PEX14: variants seen among roughly 807,000 people sequenced by gnomAD.
PEX14 encodes the protein peroxisomal membrane protein PEX14.
A neutral mutation model predicts 49.5 loss-of-function variants in PEX14; 15 were observed. The observed-to-expected ratio is 0.30, with a 90% CI of 0.20 to 0.47. The LOEUF is 0.47. Ranked by LOEUF, PEX14 falls within the 20% of genes least tolerant of loss-of-function variation. The probability of loss-of-function intolerance (pLI) is 1.00; values close to 1 mark genes in which losing one functional copy is unlikely to be tolerated. For missense variants in PEX14, 398 were observed against 494.8 expected (o/e 0.80, Z 1.86); for synonymous variants, 210 against 212.7 (o/e 0.99, Z 0.11).
chr1:10,621,631 C>T (rs908173917), intron 5 of PEX14, among the ~76,000 whole-genome samples: 5 of 152,182 alleles, frequency 3.3e-5, no homozygotes, highest in African/African-American at 7.2e-5. Context: ...AAGCGTGAGC[C>T]ACCGCGCCCG....
intron 2 of PEX14, among the ~76,000 whole-genome samples, chr1:10,508,696 G>C (rs1641832326): frequency 6.6e-6 from 1 of 152,206 alleles, no homozygotes; most frequent in Admixed American, 6.5e-5. Context: ...GAACCAGATG[G>C]TTGCAGTCCA....
chr1:10,629,700 C>T lies in PEX14; in HGVS notation c.847C>T (p.Pro283Ser), dbSNP rs1374219267. The T allele has an allele frequency of 9.9e-6, 16 of 1,611,518 alleles. No individual in the cohort carries two copies. The highest frequency in any genetic ancestry group is 1.3e-5 in the African/African-American group (1 of 74,800). ...SSSPGKEGHS[P>S]EGSTVTYHLL... is the part of the protein sequence containing the mutation. ...CTCGCCTGGGAAGGAGGGCCACAGCCCCGAGGGCTCCACGGTCACCTACCA... is the reference window on the plus strand; with the variant it reads ...CTCGCCTGGGAAGGAGGGCCACAGCTCCGAGGGCTCCACGGTCACCTACCA... The change falls in exon 9 of 9, where the codon CCC becomes TCC. Residue 283 changes from proline to serine, a missense_variant. Around this residue, in one of 3 missense-constraint regions of PEX14, gnomAD observed 140 missense variants for 155.5 expected, o/e 0.90. Coordinates refer to ENST00000356607, the MANE Select transcript of PEX14 (RefSeq NM_004565.3). This position sits in a 1 kb window ranked among gnomAD's most constrained non-coding sequence, Gnocchi z 8.5.
In PEX14 at chr1:10,526,293, G is replaced by A. The variant is rs187380828; in HGVS notation, c.85-9920G>A. Among the ~76,000 whole-genome samples the A allele has an allele frequency of 1.1e-3, 167 of 149,200 alleles. 2 individuals carry two copies. Among genetic ancestry groups the A allele is most frequent in the African/African-American group, 3.8e-3 (153 of 40,534 alleles). On this transcript the variant is annotated intron_variant, in intron 2 of 8. Transcript: ENST00000356607. ...CTGGAGTGCAGTGGCGTGATAGCTC[G>A]CTGCAGCCTCCACCTCCTGGGTTCA...
chr1:10,554,113 C>G (rs1474442927), intron 3 of PEX14, among the ~76,000 whole-genome samples: 1 of 138,344 alleles, frequency 7.2e-6, no homozygotes, highest in African/African-American at 2.7e-5. Context: ...CATGGTGAAA[C>G]CCCGTCTCTA....
chr1:10,600,978 C>T (rs1305364098), intron 4 of PEX14, among the ~76,000 whole-genome samples: 3 of 142,852 alleles, frequency 2.1e-5, no homozygotes, highest in Non-Finnish European at 3.1e-5. Flanking sequence ...AAAAAACAGA[C>T]AGGCCGGGCG....
chr1:10,611,567 A>G (rs770593120), intron 4 of PEX14, among the ~76,000 whole-genome samples: 9 of 152,214 alleles, frequency 5.9e-5, no homozygotes, highest in South Asian at 2.1e-4. Flanking sequence ...CTGTCAAACT[A>G]TTTCCCAAAA....
chr1:10,524,653 G>A lies in PEX14; in HGVS notation c.85-11560G>A, dbSNP rs116518207. The stretch of plus-strand genomic sequence containing the variant: ...GACTCTTGGCCAAGATGGCTCTGGT[G>A]CTCAGTAGGCCTTTGTGGAATCATT... On this transcript the variant is annotated intron_variant, in intron 2 of 8. Transcript: ENST00000356607. Among the ~76,000 whole-genome samples, 711 of 152,160 alleles carry A rather than the reference G, an allele frequency of 4.7e-3. 1 individual carries two copies. The highest frequency in any genetic ancestry group is 0.016 in the African/African-American group (666 of 41,468).
At chr1:10,552,983 C>G (rs1639378789) in intron 3 of PEX14, among the ~76,000 whole-genome samples, 1 of 152,046 alleles carries the variant, frequency 6.6e-6, no homozygotes, top group Non-Finnish European at 1.5e-5. Flanking sequence ...GAAAGGTGGG[C>G]AAAGGTGGGA....
chr1:10,630,017 A>T lies in PEX14; in HGVS notation c.*30A>T. On this transcript the variant is annotated 3_prime_UTR_variant, in exon 9 of 9. Coordinates refer to ENST00000356607, the MANE Select transcript of PEX14 (RefSeq NM_004565.3). The surrounding 1 kb of genome is among the most constrained non-coding windows in gnomAD (Gnocchi z 4.1). The stretch of plus-strand genomic sequence containing the variant: ...GCGCCTGCTGCCTCCAGCCCTGAGG[A>T]TGGCATCTAGTGTGCCCGTGCGTGG... 1.2e-6 allele frequency: 2 copies of T among 1,604,434 alleles called. No homozygotes were observed. The highest frequency in any genetic ancestry group is 1.7e-6 in the Non-Finnish European group (2 of 1,179,256).
chr1:10,629,761 T>C lies in PEX14; in HGVS notation c.908T>C (p.Val303Ala), dbSNP rs1160257639. ...LGPQEEGEGV[V>A]DVKGQVRMEV... The stretch of plus-strand genomic sequence containing the variant: ...CCCCAGGAGGAAGGCGAGGGGGTGG[T>C]GGACGTCAAGGGCCAGGTGCGGATG... The change falls in exon 9 of 9, where the codon GTG becomes GCG. Residue 303 changes from valine to alanine, a missense_variant. This residue lies in a region of PEX14 where 140 missense variants were observed against 155.5 expected (regional missense o/e 0.90). Coordinates refer to ENST00000356607, the MANE Select transcript of PEX14 (RefSeq NM_004565.3). This position sits in a 1 kb window ranked among gnomAD's most constrained non-coding sequence, Gnocchi z 8.5. 1 of 1,585,768 alleles carries C rather than the reference T, an allele frequency of 6.3e-7. No individual in the cohort carries two copies. Among genetic ancestry groups the C allele is most frequent in the Admixed American group, 1.8e-5 (1 of 54,888 alleles).
At chr1:10,476,102 C>T (rs965411441) in intron 1 of PEX14, among the ~76,000 whole-genome samples, 5 of 152,162 alleles carry the variant, frequency 3.3e-5, no homozygotes, top group African/African-American at 1.2e-4. Flanking sequence ...CTTGAAGCAC[C>T]TCTAAGAGTT....
rs778988561 is a variant in PEX14, at chr1:10,608,731, T to TA, written c.298+9374dup. ...TGGGTCTGTTTCTAGATTCCTCTTTTAAAAAAAAATAAAAAAAAAAACAAA... is the reference window on the plus strand; with the variant it reads ...TGGGTCTGTTTCTAGATTCCTCTTTTAAAAAAAAAATAAAAAAAAAAACAAA... On this transcript the variant is annotated intron_variant, in intron 4 of 8. Coordinates refer to ENST00000356607, the MANE Select transcript of PEX14 (RefSeq NM_004565.3). 4.0e-3 allele frequency among the ~76,000 whole-genome samples: 592 copies of TA among 149,870 alleles called. 7 individuals carry two copies. Among genetic ancestry groups the TA allele is most frequent in the African/African-American group, 0.014 (571 of 40,924 alleles).
intron 2 of PEX14, among the ~76,000 whole-genome samples, chr1:10,498,577 A>T (rs946396246): frequency 6.6e-6 from 1 of 152,204 alleles, no homozygotes; most frequent in South Asian, 2.1e-4. Context: ...CTAGCAAAGT[A>T]GTGAGGCTGC....
intron 2 of PEX14, among the ~76,000 whole-genome samples, chr1:10,534,681 G>A (rs770917451): frequency 6.6e-6 from 1 of 151,914 alleles, no homozygotes; most frequent in African/African-American, 2.4e-5. Flanking sequence ...TAGTACTGTC[G>A]GCAGCATTGG....
At chr1:10,599,463 G>A (rs1324846583) in intron 4 of PEX14, 97 bp downstream of exon 4, 2 of 1,366,468 alleles carry the variant, frequency 1.5e-6, no homozygotes, top group African/African-American at 1.4e-5. Context: ...AGCAAACCAG[G>A]AGAAACTGGG....
intron 3 of PEX14, among the ~76,000 whole-genome samples, chr1:10,579,936 C>T (rs1190139539): frequency 6.6e-6 from 1 of 152,036 alleles, no homozygotes; most frequent in Non-Finnish European, 1.5e-5. Context: ...GTTTCAGCCT[C>T]ATTTTACCCA....
At chr1:10,618,524 G>C in intron 5 of PEX14, 107 bp downstream of exon 5, 1 of 876,218 alleles carries the variant, frequency 1.1e-6, no homozygotes, top group Non-Finnish European at 1.9e-6. Flanking sequence ...CTCTGCCCTG[G>C]AGTGTGTTGG....
At chr1:10,558,646 A>G (rs1274600997) in intron 3 of PEX14, among the ~76,000 whole-genome samples, 1 of 151,380 alleles carries the variant, frequency 6.6e-6, no homozygotes, top group African/African-American at 2.4e-5. Flanking sequence ...CTGAGGCAGG[A>G]GAATCACTTG....
intron 1 of PEX14, among the ~76,000 whole-genome samples, 174 bp downstream of exon 1, chr1:10,475,176 C>G (rs985748632): frequency 2.0e-5 from 3 of 152,008 alleles, no homozygotes; most frequent in East Asian, 1.9e-4. Context: ...GCCCCTCCCC[C>G]CGGTGACCCC....
Sources: allele counts gnomAD v4.1 joint callset (sites outside exome capture counted in the v4.1 genomes callset), GRCh38; gene constraint gnomAD v4.1.1; regional missense constraint gnomAD v4.1.1; non-coding constraint Gnocchi (gnomAD v3.1); transcripts MANE v1.5; gene names NCBI Gene and HGNC (gene_info 2026-07-23, HGNC 2026-07-21).